Variants in AUTS2 observed in about 807,000 individuals in gnomAD.
AUTS2 encodes the protein activator of transcription and developmental regulator AUTS2.
Under a neutral mutation model 112.4 loss-of-function variants are expected in AUTS2, and 17 were observed. The observed-to-expected ratio is 0.15, with a 90% CI of 0.10 to 0.23. The LOEUF is 0.23. Ranked by LOEUF, AUTS2 falls within the 10% of genes least tolerant of loss-of-function variation. AUTS2 has a pLI of 1.00. For missense variants in AUTS2, 1,510 were observed against 1,701.6 expected (o/e 0.89, Z 1.98); for synonymous variants, 751 against 702.7 (o/e 1.07, Z -1.09).
chr7:69,886,924 G>A (rs374233548), intron 1 of AUTS2, among the ~76,000 whole-genome samples: 2 of 151,946 alleles, frequency 1.3e-5, no homozygotes, highest in Non-Finnish European at 2.9e-5. Context: ...ACAGGCATAC[G>A]CCACCACACC....
rs1789824489 is a variant in AUTS2 at position 69,796,007 on chromosome 7, T to C, written c.310-103279T>C. Reference sequence around the variant, plus strand: ...ATTAAAAAATAAGTTTTTGGAGCTATAAATTTTCAAACACTGCTTTGAGAG... The same window carrying C: ...ATTAAAAAATAAGTTTTTGGAGCTACAAATTTTCAAACACTGCTTTGAGAG... On this transcript the variant is annotated intron_variant, in intron 1 of 18. Coordinates refer to ENST00000342771, the MANE Select transcript of AUTS2 (RefSeq NM_015570.4). Among the ~76,000 whole-genome samples, 3 of 152,196 alleles carry C rather than the reference T, an allele frequency of 2.0e-5. No individual in the cohort carries two copies. In the South Asian group the frequency reaches 6.2e-4, roughly 32 times the overall value.
At position 70,634,545 on chromosome 7, in the gene AUTS2, G is replaced by A. The variant is rs555335824; in HGVS notation, c.691-64024G>A. ...GCCCTCTAGAGTGCATGCATTCAGA[G>A]CTGTTGGCCTGGCTCCGTCACCTTT... is the stretch of plus-strand genomic sequence containing the variant. On this transcript the variant is annotated intron_variant, in intron 5 of 18. Transcript: ENST00000342771. Among the ~76,000 whole-genome samples, 161 of 152,298 alleles carry A rather than the reference G, an allele frequency of 1.1e-3. 2 individuals are homozygous for A. Among genetic ancestry groups the A allele is most frequent in the African/African-American group, 3.8e-3 (160 of 41,572 alleles).
chr7:69,813,271 G>C (rs999936707), intron 1 of AUTS2, among the ~76,000 whole-genome samples: 6 of 152,142 alleles, frequency 3.9e-5, no homozygotes, highest in Non-Finnish European at 8.8e-5. Flanking sequence ...CTTCCTTCAG[G>C]CCCCTGAGTG....
intron 2 of AUTS2, among the ~76,000 whole-genome samples, chr7:69,966,896 G>A (rs941743576): frequency 3.3e-5 from 5 of 152,168 alleles, no homozygotes; most frequent in Admixed American, 6.5e-5. Context: ...TCTATAAAGC[G>A]TCAATCATTT....
chr7:69,798,006 A>G (rs918028188), intron 1 of AUTS2, among the ~76,000 whole-genome samples: 1 of 152,050 alleles, frequency 6.6e-6, no homozygotes, highest in East Asian at 1.9e-4. Flanking sequence ...GGTCAGAACA[A>G]GTCTCCACTG....
At chr7:69,821,853 C>G (rs979974122) in intron 1 of AUTS2, among the ~76,000 whole-genome samples, 1 of 146,826 alleles carries the variant, frequency 6.8e-6, no homozygotes, top group Admixed American at 6.9e-5. Context: ...GAGGTTGAGG[C>G]TGCAGTGAGC....
intron 2 of AUTS2, among the ~76,000 whole-genome samples, chr7:69,908,467 C>T (rs1057237404): frequency 6.6e-6 from 1 of 152,324 alleles, no homozygotes; most frequent in South Asian, 2.1e-4. Context: ...CACACCAGTG[C>T]TCACAAAGAC....
chr7:69,797,019 C>T (rs1015220510), intron 1 of AUTS2, among the ~76,000 whole-genome samples: 9 of 152,078 alleles, frequency 5.9e-5, no homozygotes, highest in African/African-American at 9.7e-5. Context: ...GCAATGGAAT[C>T]GTAAGTGTAA....
chr7:70,039,910 A>G (rs956094930), intron 2 of AUTS2, among the ~76,000 whole-genome samples: 2 of 152,212 alleles, frequency 1.3e-5, no homozygotes, highest in African/African-American at 4.8e-5. Context: ...ACATACATTC[A>G]TTCAAACATC....
intron 5 of AUTS2, among the ~76,000 whole-genome samples, chr7:70,606,592 G>C (rs924462675): frequency 1.3e-5 from 2 of 152,124 alleles, no homozygotes; most frequent in African/African-American, 4.8e-5. Flanking sequence ...CAGACGTGGT[G>C]GCTCACGCCT....
intron 2 of AUTS2, among the ~76,000 whole-genome samples, chr7:69,923,633 A>G (rs981733293): frequency 2.0e-5 from 3 of 152,128 alleles, no homozygotes; most frequent in Admixed American, 6.5e-5. Flanking sequence ...TCCTTCAGCA[A>G]TATTTTGTAC....
At chr7:70,129,011 C>A (rs1275983212) in intron 3 of AUTS2, among the ~76,000 whole-genome samples, 1 of 152,172 alleles carries the variant, frequency 6.6e-6, no homozygotes, top group Non-Finnish European at 1.5e-5. Flanking sequence ...TCTAAAAAGA[C>A]CGTATATCCA....
intron 5 of AUTS2, among the ~76,000 whole-genome samples, chr7:70,450,738 G>A (rs1030854414): frequency 2.5e-4 from 38 of 152,126 alleles, no homozygotes; most frequent in African/African-American, 9.2e-4. Context: ...GAAAGGGGGT[G>A]AAAGTTGTCA....
intron 1 of AUTS2, among the ~76,000 whole-genome samples, chr7:69,608,822 G>A (rs1792871490): frequency 6.6e-6 from 1 of 152,170 alleles, no homozygotes; most frequent in African/African-American, 2.4e-5. Flanking sequence ...AGGGAAACAA[G>A]CATTTGATTA....
At chr7:69,925,300 C>A (rs1007117725) in intron 2 of AUTS2, among the ~76,000 whole-genome samples, 3 of 151,954 alleles carry the variant, frequency 2.0e-5, no homozygotes, top group Non-Finnish European at 4.4e-5. Flanking sequence ...TTTTACTTTG[C>A]TTATTTTTCT....
At chr7:70,646,389 G>C (rs975228179) in intron 5 of AUTS2, among the ~76,000 whole-genome samples, 1 of 152,164 alleles carries the variant, frequency 6.6e-6, no homozygotes, top group African/African-American at 2.4e-5. Flanking sequence ...ATTATTTAGA[G>C]CAGCAGTGAG....
chr7:70,338,029 C>T (rs1347605852), intron 4 of AUTS2, among the ~76,000 whole-genome samples: 1 of 152,230 alleles, frequency 6.6e-6, no homozygotes, highest in Non-Finnish European at 1.5e-5. Context: ...GCTTATGTTA[C>T]AGTGCATTAA....
intron 6 of AUTS2, among the ~76,000 whole-genome samples, chr7:70,747,304 T>A (rs1788513615): frequency 6.6e-6 from 1 of 152,244 alleles, no homozygotes; most frequent in Non-Finnish European, 1.5e-5. Context: ...AGCATTTCCC[T>A]TCCAGGATTA....
intron 1 of AUTS2, among the ~76,000 whole-genome samples, chr7:69,793,796 C>T (rs977602539): frequency 6.6e-6 from 1 of 152,052 alleles, no homozygotes; most frequent in Non-Finnish European, 1.5e-5. Flanking sequence ...ATTTTTAAAG[C>T]TTCCTACATG....
Sources: gnomAD v4.1 joint callset for allele counts (sites outside exome capture counted in the v4.1 genomes callset) on GRCh38, gnomAD v4.1.1 for gene constraint, MANE v1.5 for transcripts, NCBI Gene and HGNC (gene_info 2026-07-23, HGNC 2026-07-21) for gene names.